The following PPM1H variants were observed in gnomAD, a reference collection of about 807,000 sequenced individuals.
PPM1H encodes protein phosphatase, Mg2+/Mn2+ dependent 1H.
In PPM1H, 27 loss-of-function variants were observed where a neutral mutation model predicts 54.9. The ratio of observed to expected loss-of-function variants is 0.49; its 90% CI spans 0.36 to 0.68. PPM1H has a LOEUF of 0.68. Ranked by LOEUF, PPM1H falls within the 30% of genes least tolerant of loss-of-function variation. The pLI is 0.00. For missense variants in PPM1H, 596 were observed against 667.8 expected (o/e 0.89, Z 1.19); for synonymous variants, 305 against 270.8 (o/e 1.13, Z -1.24).
In PPM1H at chr12:62,793,740, C is replaced by CAAAAAAAAAAAA. The variant is rs34457644; in HGVS notation, c.757-5414_757-5403dup. ...GGGCAACAAGAGAGAAACTCCGTTTCAAAAAAAAAAAAAAAAAAAAAAGGC... is the reference window on the plus strand; with the variant it reads ...GGGCAACAAGAGAGAAACTCCGTTTCAAAAAAAAAAAAAAAAAAAAAAAAAAAAAAAAAAGGC... On this transcript the variant is annotated intron_variant, in intron 3 of 9. Coordinates refer to ENST00000228705, the MANE Select transcript of PPM1H (RefSeq NM_020700.2). Among the ~76,000 whole-genome samples, 582 of 61,146 alleles carry CAAAAAAAAAAAA rather than the reference C, an allele frequency of 9.5e-3. 13 individuals are homozygous for CAAAAAAAAAAAA. The highest frequency in any genetic ancestry group is 0.014 in the South Asian group (19 of 1,380). 40.1% of individuals were successfully genotyped at this position (61,146 alleles called of 152,430 possible).
At chr12:62,913,836 G>T (rs892319884) in intron 1 of PPM1H, among the ~76,000 whole-genome samples, 1 of 152,028 alleles carries the variant, frequency 6.6e-6, no homozygotes, top group African/African-American at 2.4e-5. Flanking sequence ...GAGTAGCTGG[G>T]ATTATACGCA....
chr12:62,666,675 G>A (rs956970462), intron 9 of PPM1H, among the ~76,000 whole-genome samples: 20 of 152,062 alleles, frequency 1.3e-4, no homozygotes, highest in African/African-American at 4.8e-4. Flanking sequence ...TTGTATCTAC[G>A]TTCAACTTAA....
intron 9 of PPM1H, among the ~76,000 whole-genome samples, chr12:62,662,299 A>T (rs564810324): frequency 3.3e-4 from 50 of 152,348 alleles, no homozygotes; most frequent in African/African-American, 1.1e-3. Flanking sequence ...TCAACATGAG[A>T]ATGTTGCTAA....
At chr12:62,932,728 G>A (rs1009987643) in intron 1 of PPM1H, among the ~76,000 whole-genome samples, 1 of 138,696 alleles carries the variant, frequency 7.2e-6, no homozygotes, top group East Asian at 2.3e-4. Context: ...TCTGCCTCCC[G>A]GGTTCAAGCG....
At chr12:62,767,323 C>G (rs1024918287) in intron 4 of PPM1H, among the ~76,000 whole-genome samples, 1 of 151,926 alleles carries the variant, frequency 6.6e-6, no homozygotes, top group Non-Finnish European at 1.5e-5. Flanking sequence ...AGAGGTTCCA[C>G]CAGTGAAGGG....
chr12:62,666,013 G>C lies in PPM1H; in HGVS notation c.1397+1165C>G, dbSNP rs558819605. ...CAAAGTGTTGGGATTACAGGTGTGA[G>C]CCACCATGCTTGGCTAAAAAAAAAT... On this transcript the variant is annotated intron_variant, in intron 9 of 9. Coordinates refer to ENST00000228705, the MANE Select transcript of PPM1H (RefSeq NM_020700.2). Among the ~76,000 whole-genome samples, 9 of 152,134 alleles carry C rather than the reference G, an allele frequency of 5.9e-5. No individual in the cohort carries two copies. The South Asian group carries it at 1.9e-3, about 32-fold the overall frequency.
At chr12:62,759,100 ACT>A (rs1435017359) in intron 4 of PPM1H, among the ~76,000 whole-genome samples, 1 of 151,988 alleles carries the variant, frequency 6.6e-6, no homozygotes, top group Non-Finnish European at 1.5e-5. Flanking sequence ...CCCTTTGCTG[ACT>A]CTCTTTTTGG....
At chr12:62,758,139 A>T (rs2076486575) in intron 4 of PPM1H, among the ~76,000 whole-genome samples, 1 of 152,250 alleles carries the variant, frequency 6.6e-6, no homozygotes, top group South Asian at 2.1e-4. Context: ...TAATAGATTT[A>T]AAAAGTTAAT....
intron 1 of PPM1H, among the ~76,000 whole-genome samples, chr12:62,895,909 AC>A (rs1001881145): frequency 6.6e-6 from 1 of 152,138 alleles, no homozygotes; most frequent in Non-Finnish European, 1.5e-5. Flanking sequence ...TTTATAAATT[AC>A]CCAGCCTCAG....
At chr12:62,824,237 A>C (rs969074344) in intron 2 of PPM1H, among the ~76,000 whole-genome samples, 3 of 152,196 alleles carry the variant, frequency 2.0e-5, no homozygotes, top group African/African-American at 7.2e-5. Context: ...ACCACTGCTC[A>C]ATGAAATAAA....
chr12:62,894,317 G>T (rs1870904619), intron 1 of PPM1H, among the ~76,000 whole-genome samples: 2 of 152,306 alleles, frequency 1.3e-5, no homozygotes, highest in South Asian at 4.1e-4. Context: ...TGACAGCAAA[G>T]GAAGAGTTGG....
intron 6 of PPM1H, among the ~76,000 whole-genome samples, chr12:62,696,680 T>C (rs2136644340): frequency 6.6e-6 from 1 of 152,344 alleles, no homozygotes. Flanking sequence ...TATGATTTAC[T>C]GAGCATCTTC....
At chr12:62,856,623 T>C (rs182435123) in intron 1 of PPM1H, among the ~76,000 whole-genome samples, 9 of 152,328 alleles carry the variant, frequency 5.9e-5, no homozygotes, top group Admixed American at 2.6e-4. Context: ...GATATGGTAA[T>C]TGCCCTGATC....
chr12:62,828,773 C>A (rs1372672913), intron 2 of PPM1H, among the ~76,000 whole-genome samples: 1 of 152,080 alleles, frequency 6.6e-6, no homozygotes, highest in Non-Finnish European at 1.5e-5. Flanking sequence ...ACAGACAACC[C>A]AATTTTTAAA....
chr12:62,751,584 G>T (rs1258927565), intron 4 of PPM1H, among the ~76,000 whole-genome samples: 1 of 152,202 alleles, frequency 6.6e-6, no homozygotes, highest in Non-Finnish European at 1.5e-5. Flanking sequence ...TCTGACGAAA[G>T]CTCATGGATC....
Position 62,919,052 on chromosome 12 carries a change from G to A in PPM1H, c.245+15440C>T, listed in dbSNP as rs536765566. Among the ~76,000 whole-genome samples, 11 of 152,280 alleles carry A rather than the reference G, an allele frequency of 7.2e-5. No individual in the cohort carries two copies. In the South Asian group the frequency reaches 2.3e-3, roughly 32 times the overall value. On this transcript the variant is annotated intron_variant, in intron 1 of 9. Transcript: ENST00000228705. Reference sequence around the variant, plus strand: ...AGTGGAGATAGAAATTTTTACAAGAGAAACTTTTGCCAAAGGGTCAAACTC... The same window carrying A: ...AGTGGAGATAGAAATTTTTACAAGAAAAACTTTTGCCAAAGGGTCAAACTC...
intron 1 of PPM1H, among the ~76,000 whole-genome samples, chr12:62,924,206 C>T (rs58389317): frequency 0.061 from 9,277 of 152,042 alleles, 564 homozygotes; most frequent in East Asian, 0.25. Flanking sequence ...GAAACTGAGG[C>T]CCAGAGTGGG....
chr12:62,682,972 C>T (rs765213449), intron 8 of PPM1H, among the ~76,000 whole-genome samples: 3 of 151,086 alleles, frequency 2.0e-5, no homozygotes, highest in African/African-American at 7.3e-5. Context: ...CAGGCAGGTA[C>T]CACTAATTTA....
rs550766714 is a variant in PPM1H at position 62,673,605 on chromosome 12, C to T, written c.1246-6276G>A. ...GTACTCAATGTAGGACAATGAGCTC[C>T]TGCAGCTCAGGACTGGCTTTGTGGA... On this transcript the variant is annotated intron_variant, in intron 8 of 9. Coordinates refer to ENST00000228705, the MANE Select transcript of PPM1H (RefSeq NM_020700.2). Among the ~76,000 whole-genome samples the T allele has an allele frequency of 3.3e-5, 5 of 151,990 alleles. No individual in the cohort carries two copies. The East Asian group carries it at 9.6e-4, about 29-fold the overall frequency.
Sources: allele counts gnomAD v4.1 joint callset (sites outside exome capture counted in the v4.1 genomes callset), GRCh38; gene constraint gnomAD v4.1.1; transcripts MANE v1.5; gene names NCBI Gene and HGNC (gene_info 2026-07-23, HGNC 2026-07-21).